Variants in XPO1 observed in about 807,000 individuals in gnomAD.
XPO1 encodes exportin 1, also known as exportin-1.
A neutral mutation model predicts 133.3 loss-of-function variants in XPO1; 5 were observed. The observed-to-expected ratio is 0.04, with a 90% CI of 0.02 to 0.08. XPO1 has a LOEUF of 0.08. Ranked by LOEUF, XPO1 falls within the 10% of genes least tolerant of loss-of-function variation. The probability of loss-of-function intolerance (pLI) is 1.00; values close to 1 mark genes in which losing one functional copy is unlikely to be tolerated. For synonymous variants in XPO1, 419 were observed against 408.2 expected (o/e 1.03, Z -0.32); for missense variants, 506 against 1,267.5 (o/e 0.40, Z 9.12).
intron 22 of XPO1, 49 bp from the exon 23 acceptor site, chr2:61,482,588 G>T (rs767696812): frequency 2.1e-6 from 3 of 1,406,178 alleles, no homozygotes; most frequent in African/African-American, 1.5e-5. Flanking sequence ...TATAACTATA[G>T]ATCTTAGCGT....
chr2:61,522,163 G>C (rs968618224), intron 4 of XPO1, among the ~76,000 whole-genome samples: 2 of 151,966 alleles, frequency 1.3e-5, no homozygotes, highest in Non-Finnish European at 2.9e-5. Flanking sequence ...TCGACCTTTT[G>C]AGCTCAAGCA....
chr2:61,483,153 T>C, intron 21 of XPO1, 62 bp from the exon 22 acceptor site: 1 of 1,531,656 alleles, frequency 6.5e-7, no homozygotes, highest in Non-Finnish European at 8.8e-7. Flanking sequence ...TGATAGTATT[T>C]AGCTCTTATC....
rs999795794 is a variant in XPO1 at position 61,495,112 on chromosome 2, G to C, written c.1047+343C>G. Among the ~76,000 whole-genome samples, 45 of 151,760 alleles carry C rather than the reference G, an allele frequency of 3.0e-4. 1 individual carries two copies. Among genetic ancestry groups the C allele is most frequent in the Admixed American group, 2.6e-3 (39 of 15,216 alleles). ...CCCACCTCCGCCTCCCAAAGTGCTG[G>C]GATTACACGATGAATTGTATATCTT... is the stretch of plus-strand genomic sequence containing the variant. On this transcript the variant is annotated intron_variant, in intron 11 of 24. Transcript: ENST00000401558.
chr2:61,495,131 A>G (rs375424226), intron 11 of XPO1, among the ~76,000 whole-genome samples: 49 of 152,194 alleles, frequency 3.2e-4, no homozygotes, highest in East Asian at 3.1e-3. Context: ...GATGAATTGT[A>G]TATCTTTAAA....
chr2:61,486,055 T>C (rs1167417341), intron 19 of XPO1, 93 bp from the exon 20 acceptor site: 2 of 1,183,066 alleles, frequency 1.7e-6, no homozygotes, highest in Non-Finnish European at 2.3e-6. Context: ...AGATGTAGCA[T>C]GATCATCTAC....
chr2:61,524,916 C>A (rs1174884366), intron 3 of XPO1, among the ~76,000 whole-genome samples: 1 of 151,790 alleles, frequency 6.6e-6, no homozygotes, highest in African/African-American at 2.4e-5. Context: ...CCTGTCTCTT[C>A]AAAGAATTTT....
chr2:61,494,709 A>C (rs535538467), intron 11 of XPO1: 1 of 152,178 alleles, frequency 6.6e-6, no homozygotes, highest in East Asian at 1.9e-4. Context: ...TTTTGGATCT[A>C]GGTATTAATG....
At chr2:61,521,918 T>A (rs184701874) in intron 4 of XPO1, among the ~76,000 whole-genome samples, 423 of 151,944 alleles carry the variant, frequency 2.8e-3, no homozygotes, top group Middle Eastern at 0.02. Flanking sequence ...CCAAAATACC[T>A]GGCTAATTTT....
At chr2:61,502,085 A>C (rs1697554452) in intron 5 of XPO1, 45 bp from the exon 6 acceptor site, 1 of 1,560,464 alleles carries the variant, frequency 6.4e-7, no homozygotes, top group East Asian at 2.2e-5. Context: ...GGTAAGTATA[A>C]ATAAGAATAT....
In XPO1 at chr2:61,477,905, T is replaced by C. The variant is rs190455276; in HGVS notation, c.*915A>G. 4 of 213,590 alleles carry C rather than the reference T, an allele frequency of 1.9e-5. No individual in the cohort carries two copies. The highest frequency in any genetic ancestry group is 2.3e-5 in the African/African-American group (1 of 44,312). 13.2% of individuals were successfully genotyped at this position (213,590 alleles called of 1,614,324 possible). A position where few individuals can be genotyped will look rare whatever the true frequency, so the allele number is the denominator to read the frequency against. On this transcript the variant is annotated 3_prime_UTR_variant, in exon 25 of 25. Coordinates refer to ENST00000401558, the MANE Select transcript of XPO1 (RefSeq NM_003400.4). ...ACACAAATACCCACTATCATTAATA[T>C]AGGAATAAATGAGTCAATAAAGGAA... is the stretch of plus-strand genomic sequence containing the variant.
At chr2:61,509,033 T>C (rs1345573370) in intron 4 of XPO1, among the ~76,000 whole-genome samples, 2 of 152,118 alleles carry the variant, frequency 1.3e-5, no homozygotes, top group African/African-American at 2.4e-5. Context: ...GGAGTTTCAT[T>C]CTTGTGGCCC....
Position 61,492,530 on chromosome 2 carries a change from A to G in XPO1, c.1566+37T>C. The G allele has an allele frequency of 6.3e-7, 1 of 1,595,072 alleles. No homozygotes were observed. Among genetic ancestry groups the G allele is most frequent in the Non-Finnish European group, 8.5e-7 (1 of 1,173,290 alleles). On this transcript the variant is annotated intron_variant, in intron 14 of 24. Transcript: ENST00000401558. The surrounding 1 kb of genome is among the most constrained non-coding windows in gnomAD (Gnocchi z 5.6). Reference sequence around the variant, plus strand: ...TATTTATTGTAACAACATAATACTTATTTAGCAATTCTAATTCATACCTAT... The same window carrying G: ...TATTTATTGTAACAACATAATACTTGTTTAGCAATTCTAATTCATACCTAT...
At chr2:61,502,540 G>A in intron 4 of XPO1, 1 of 382,858 alleles carries the variant, frequency 2.6e-6, no homozygotes, top group Non-Finnish European at 4.7e-6. Flanking sequence ...ATCACCTGAG[G>A]CCAGGAATTC....
Position 61,482,526 on chromosome 2 carries a change from A to G in XPO1, c.2826T>C (p.His942=). 6.2e-7 allele frequency: 1 copy of G among 1,607,902 alleles called. No individual in the cohort carries two copies. The highest frequency in any genetic ancestry group is 8.5e-7 in the Non-Finnish European group (1 of 1,177,288). ...DTSHTAGLTM[H]ASILAYMFNL... ...TAAACATATATGCAAGAATTGATGC[A>G]TGCATTGTTAAACCTGTTGATAAGA... Residue 942 remains histidine (H), a synonymous_variant, in exon 23 of 25, where the codon CAT becomes CAC. Transcript: ENST00000401558.
At chr2:61,510,244 T>C (rs1022272931) in intron 4 of XPO1, among the ~76,000 whole-genome samples, 10 of 152,206 alleles carry the variant, frequency 6.6e-5, no homozygotes, top group African/African-American at 2.4e-4. Flanking sequence ...ACTACTGCAA[T>C]CCAAGCAGCC....
At chr2:61,493,701 GAGA>G in intron 12 of XPO1, 190 bp downstream of exon 12, 1 of 598,852 alleles carries the variant, frequency 1.7e-6, no homozygotes, top group Non-Finnish European at 2.9e-6. Flanking sequence ...TTGATACTGA[GAGA>G]AGGACCACAC....
At chr2:61,515,240 A>T (rs1698309380) in intron 4 of XPO1, among the ~76,000 whole-genome samples, 2 of 152,180 alleles carry the variant, frequency 1.3e-5, no homozygotes, top group South Asian at 4.1e-4. Flanking sequence ...AACTTATCCA[A>T]CTGTACACTT....
intron 4 of XPO1, among the ~76,000 whole-genome samples, chr2:61,517,849 G>A (rs553955247): frequency 4.6e-4 from 70 of 152,274 alleles, no homozygotes; most frequent in African/African-American, 1.5e-3. Context: ...GCTGAGGCAA[G>A]AGGGCAGGAT....
intron 4 of XPO1, among the ~76,000 whole-genome samples, chr2:61,507,813 G>C (rs982423626): frequency 3.3e-5 from 5 of 152,146 alleles, no homozygotes; most frequent in African/African-American, 9.7e-5. Flanking sequence ...GGGAGGTGGA[G>C]AAAGAGAAGA....
Sources: allele counts gnomAD v4.1 joint callset (sites outside exome capture counted in the v4.1 genomes callset), GRCh38; gene constraint gnomAD v4.1.1; non-coding constraint Gnocchi (gnomAD v3.1); transcripts MANE v1.5; gene names NCBI Gene and HGNC (gene_info 2026-07-23, HGNC 2026-07-21).